Variants in ANKFN1 observed in about 807,000 individuals in gnomAD.
The protein encoded by ANKFN1 is ankyrin repeat and fibronectin type-III domain-containing protein 1.
Under a neutral mutation model 108.7 loss-of-function variants are expected in ANKFN1, and 74 were observed. The ratio of observed to expected loss-of-function variants is 0.68; its 90% CI spans 0.56 to 0.83. The LOEUF (loss-of-function observed/expected upper bound fraction) is 0.83. ANKFN1 is among the 40% of genes least tolerant of loss of function. ANKFN1 has a pLI of 0.00. For missense variants in ANKFN1, 1,505 were observed against 1,382.3 expected, an observed-to-expected ratio of 1.09 and a Z score of -1.41; for synonymous variants, 547 against 516.2, an observed-to-expected ratio of 1.06 and a Z score of -0.81.
At chr17:56,297,246 G>A (rs576298507) in intron 3 of ANKFN1, among the ~76,000 whole-genome samples, 12 of 152,328 alleles carry the variant, frequency 7.9e-5, no homozygotes, top group Admixed American at 5.2e-4. Flanking sequence ...GCAGAGAGGA[G>A]CTTCGGAGCC....
At chr17:56,382,834 C>T (rs1191045582) in intron 8 of ANKFN1, among the ~76,000 whole-genome samples, 2 of 152,074 alleles carry the variant, frequency 1.3e-5, no homozygotes, top group African/African-American at 4.8e-5. Flanking sequence ...TAAAGCAAGT[C>T]CTGAGTGACC....
chr17:56,302,589 TACA>T (rs984755181), intron 3 of ANKFN1, among the ~76,000 whole-genome samples: 1 of 151,728 alleles, frequency 6.6e-6, no homozygotes, highest in Admixed American at 6.6e-5. Flanking sequence ...TTTGTCTAAT[TACA>T]ACAAAAGTTC....
chr17:56,091,661 G>A (rs1905423257), intron 4 of ANKFN1, among the ~76,000 whole-genome samples: 1 of 151,404 alleles, frequency 6.6e-6, no homozygotes, highest in Admixed American at 6.6e-5. Context: ...CAAATTGGGA[G>A]CCAGCTCATT....
At chr17:56,271,666 A>C (rs1371823802) in intron 3 of ANKFN1, among the ~76,000 whole-genome samples, 1 of 152,204 alleles carries the variant, frequency 6.6e-6, no homozygotes, top group Non-Finnish European at 1.5e-5. Context: ...ATTCTAAAAC[A>C]GGTGACTATA....
chr17:56,112,758 A>C (rs762231128), intron 4 of ANKFN1, among the ~76,000 whole-genome samples: 12 of 151,902 alleles, frequency 7.9e-5, no homozygotes, highest in Non-Finnish European at 1.6e-4. Flanking sequence ...ATACACCCTA[A>C]TTTCTTTTAA....
intron 14 of ANKFN1, among the ~76,000 whole-genome samples, chr17:56,459,433 A>G (rs914427474): frequency 2.0e-5 from 3 of 152,054 alleles, no homozygotes; most frequent in Non-Finnish European, 4.4e-5. Context: ...TGATTGCATA[A>G]TCTTCTCTTC....
At chr17:56,048,013 C>T (rs1904709965) in intron 4 of ANKFN1, among the ~76,000 whole-genome samples, 1 of 152,214 alleles carries the variant, frequency 6.6e-6, no homozygotes, top group African/African-American at 2.4e-5. Flanking sequence ...TGATTTTTCC[C>T]TGTGCCATCT....
chr17:56,103,363 T>C (rs16956651), intron 4 of ANKFN1, among the ~76,000 whole-genome samples: 8,897 of 152,196 alleles, frequency 0.058, 874 homozygotes, highest in African/African-American at 0.2. Context: ...GGTTATCAAG[T>C]CTGGAAAAGG....
rs374592774 is a variant in ANKFN1, at chr17:56,435,732, G to A, written c.911-4595G>A. Among the ~76,000 whole-genome samples the A allele has an allele frequency of 1.6e-4, 22 of 141,400 alleles. 3 individuals carry two copies. The highest frequency in any genetic ancestry group is 1.1e-3 in the Admixed American group (14 of 12,664). The allele number at this position is 141,400 out of a possible 152,430, so 92.8% of individuals were successfully genotyped here. A position where few individuals can be genotyped will look rare whatever the true frequency, so the allele number is the denominator to read the frequency against. On this transcript the variant is annotated intron_variant, in intron 8 of 20. Coordinates refer to ENST00000682825, the MANE Select transcript of ANKFN1 (RefSeq NM_001370326.1). ...GATTTTAGGGAGAATCTGCACAACAGCAAGTTTTATGAGGTGTTTTTTTTT... is the reference window on the plus strand; with the variant it reads ...GATTTTAGGGAGAATCTGCACAACAACAAGTTTTATGAGGTGTTTTTTTTT...
chr17:56,302,400 A>G (rs527503668), intron 3 of ANKFN1, among the ~76,000 whole-genome samples: 61 of 151,918 alleles, frequency 4.0e-4, no homozygotes, highest in African/African-American at 1.4e-3. Context: ...TGGCAGTCCC[A>G]GTTAATCATG....
intron 3 of ANKFN1, among the ~76,000 whole-genome samples, chr17:56,259,856 C>T (rs1266894099): frequency 6.6e-6 from 1 of 151,224 alleles, no homozygotes; most frequent in Non-Finnish European, 1.5e-5. Flanking sequence ...CCCATTCTAC[C>T]AGGTATATAT....
At chr17:56,417,723 T>G (rs2048284105) in intron 8 of ANKFN1, among the ~76,000 whole-genome samples, 1 of 152,208 alleles carries the variant, frequency 6.6e-6, no homozygotes, top group Non-Finnish European at 1.5e-5. Flanking sequence ...GTGTAGGTGT[T>G]TATTCAGTGT....
chr17:56,391,771 T>G (rs1024093924), intron 8 of ANKFN1, among the ~76,000 whole-genome samples: 1 of 152,128 alleles, frequency 6.6e-6, no homozygotes, highest in Non-Finnish European at 1.5e-5. Context: ...TTAATGTTCA[T>G]GTAGGCTGAG....
intron 4 of ANKFN1, among the ~76,000 whole-genome samples, chr17:56,046,926 G>A (rs1304635736): frequency 6.6e-6 from 1 of 152,092 alleles, no homozygotes; most frequent in Non-Finnish European, 1.5e-5. Flanking sequence ...AAAATAACGA[G>A]GTATTTCAAC....
At chr17:56,339,733 T>C (rs1008618859) in intron 4 of ANKFN1, among the ~76,000 whole-genome samples, 3 of 152,204 alleles carry the variant, frequency 2.0e-5, no homozygotes, top group Non-Finnish European at 4.4e-5. Flanking sequence ...TGATTCCATG[T>C]CTTTGCTACT....
intron 8 of ANKFN1, among the ~76,000 whole-genome samples, chr17:56,385,347 G>T (rs2047229807): frequency 6.6e-6 from 1 of 152,150 alleles, no homozygotes; most frequent in Admixed American, 6.6e-5. Flanking sequence ...TTAAATGTTA[G>T]ACCTAAAACC....
intron 4 of ANKFN1, among the ~76,000 whole-genome samples, chr17:56,062,086 G>T: frequency 6.6e-6 from 1 of 152,278 alleles, no homozygotes; most frequent in East Asian, 1.9e-4. Flanking sequence ...TTGCAGTGTG[G>T]CCTGAGAGAC....
intron 7 of ANKFN1, 36 bp from the exon 8 acceptor site, chr17:56,374,565 T>G: frequency 6.8e-7 from 1 of 1,462,032 alleles, no homozygotes. Flanking sequence ...AAGGATTTGC[T>G]ATGTTAAGAT....
intron 20 of ANKFN1, among the ~76,000 whole-genome samples, chr17:56,501,827 G>T (rs949157596): frequency 1.3e-5 from 2 of 152,184 alleles, no homozygotes; most frequent in Non-Finnish European, 1.5e-5. Flanking sequence ...TAGTGGCACA[G>T]AATCAAAATG....
Sources: gnomAD v4.1 joint callset for allele counts (sites outside exome capture counted in the v4.1 genomes callset) on GRCh38, gnomAD v4.1.1 for gene constraint, MANE v1.5 for transcripts, NCBI Gene and HGNC (gene_info 2026-07-23, HGNC 2026-07-21) for gene names.